TNFRSF1A: variants seen among roughly 807,000 people sequenced by gnomAD.
TNFRSF1A encodes TNF receptor superfamily member 1A, also known as tumor necrosis factor receptor superfamily member 1A.
TNFRSF1A carries 9 observed loss-of-function variants against 41.6 expected under a neutral mutation model. The observed-to-expected ratio is 0.22, with a 90% confidence interval of 0.13 to 0.38. TNFRSF1A has a LOEUF of 0.38. TNFRSF1A is among the 10% of genes least tolerant of loss of function. The pLI, the probability that TNFRSF1A is intolerant of heterozygous loss-of-function variation, is 1.00. For synonymous variants in TNFRSF1A, 254 were observed against 248.6 expected, an observed-to-expected ratio of 1.02 and a Z score of -0.21; for missense variants, 463 against 591.5, an observed-to-expected ratio of 0.78 and a Z score of 2.25.
At position 6,337,306 on chromosome 12, in the gene TNFRSF1A, G is replaced by C. The variant is rs1032791925; in HGVS notation, c.40-3062C>G. 5.9e-5 allele frequency among the ~76,000 whole-genome samples: 9 copies of C among 152,212 alleles called. No homozygotes were observed. The highest frequency in any genetic ancestry group is 1.5e-5 in the Non-Finnish European group (1 of 68,030). On this transcript the variant is annotated intron_variant, in intron 1 of 9. Transcript: ENST00000162749. This position sits in a 1 kb window ranked among gnomAD's most constrained non-coding sequence, Gnocchi z 4.6. ...CTGGAGCAGAAGGGCAGGAAGCTGG[G>C]GTGCCTGTGGAGAGACAGTTGAGGG... is the stretch of plus-strand genomic sequence containing the variant.
chr12:6,329,151 C>CGCAG lies in TNFRSF1A; in HGVS notation c.*157_*160dup. 1.5e-6 allele frequency: 1 copy of CGCAG among 656,848 alleles called. No homozygotes were observed. Among genetic ancestry groups the CGCAG allele is most frequent in the Non-Finnish European group, 2.3e-6 (1 of 436,312 alleles). The allele number at this position is 656,848 out of a possible 1,614,324, so 40.7% of individuals were successfully genotyped here. On this transcript the variant is annotated 3_prime_UTR_variant, in exon 10 of 10. Coordinates refer to ENST00000162749, the MANE Select transcript of TNFRSF1A (RefSeq NM_001065.4). ...CGCACAGCGCTGACTGTCGGCGGCG[C>CGCAG]GCAGGCAGCTGAGAAAAGCTATGTA...
chr12:6,334,272 C>A lies in TNFRSF1A; in HGVS notation c.40-28G>T. The A allele has an allele frequency of 1.2e-6, 2 of 1,603,776 alleles. No homozygotes were observed. The highest frequency in any genetic ancestry group is 1.7e-6 in the Non-Finnish European group (2 of 1,172,382). Reference sequence around the variant, plus strand: ...GGGGAAGAATCAGATAGAGGAGACACCATCAAGAGAGGGAGGGATGGGAAG... The same window carrying A: ...GGGGAAGAATCAGATAGAGGAGACAACATCAAGAGAGGGAGGGATGGGAAG... On this transcript the variant is annotated intron_variant, in intron 1 of 9. Transcript: ENST00000162749. This position sits in a 1 kb window ranked among gnomAD's most constrained non-coding sequence, Gnocchi z 5.1.
intron 1 of TNFRSF1A, among the ~76,000 whole-genome samples, chr12:6,340,580 G>C (rs988872939): frequency 6.6e-6 from 1 of 152,158 alleles, no homozygotes; most frequent in African/African-American, 2.4e-5. Flanking sequence ...CTGGGGACCT[G>C]GGGCCGGGAC....
chr12:6,329,326 T>C lies in TNFRSF1A; in HGVS notation c.1354A>G (p.Ser452Gly), dbSNP rs200346150. The part of the protein sequence containing the change: ...CGPAALPPAP[S>G]LLR ...GGGGCGCAGCCTCATCTGAGAAGAC[T>C]GGGCGCGGGCGGGAGGGCGGCGGGG... Residue 452 changes from serine (S) to glycine (G), a missense_variant, in exon 10 of 10, where the codon AGT (serine) becomes GGT (glycine). Ser to Gly is a moderately conservative substitution (Grantham distance 56). Transcript: ENST00000162749. 5 of 1,473,072 alleles carry C rather than the reference T, an allele frequency of 3.4e-6. No individual in the cohort carries two copies. The highest frequency in any genetic ancestry group is 1.4e-5 in the South Asian group (1 of 71,314). 91.3% of individuals were successfully genotyped at this position (1,473,072 alleles called of 1,614,324 possible). A position where few individuals can be genotyped will look rare whatever the true frequency, so the allele number is the denominator to read the frequency against.
chr12:6,329,287 T>TA lies in TNFRSF1A; in HGVS notation c.*24dup, dbSNP rs1442377765. 1 of 1,453,766 alleles carries TA rather than the reference T, an allele frequency of 6.9e-7. No homozygotes were observed. Among genetic ancestry groups the TA allele is most frequent in the African/African-American group, 1.5e-5 (1 of 67,420 alleles). The allele number at this position is 1,453,766 out of a possible 1,614,324, so 90.1% of individuals were successfully genotyped here. A position where few individuals can be genotyped will look rare whatever the true frequency, so the allele number is the denominator to read the frequency against. On this transcript the variant is annotated 3_prime_UTR_variant, in exon 10 of 10. Transcript: ENST00000162749. ...GAAGGCGATCTCGCAGGACGGTCCTTAGAGCTGCCCGCAGGGGCGCAGCCT... is the reference window on the plus strand; with the variant it reads ...GAAGGCGATCTCGCAGGACGGTCCTTAAGAGCTGCCCGCAGGGGCGCAGCCT...
rs779458638 is a variant in TNFRSF1A at position 6,330,902 on chromosome 12, C to T, written c.576G>A (p.Thr192=). 10 of 1,613,510 alleles carry T rather than the reference C, an allele frequency of 6.2e-6. No individual in the cohort carries two copies. The highest frequency in any genetic ancestry group is 4.4e-5 in the South Asian group (4 of 91,052). ...CSNCKKSLEC[T]KLCLPQIENV... is the part of the protein sequence containing the mutation. ...TCTCAATCTGGGGTAGGCACAACTT[C>T]GTGCACTCCAGGCTTTTCTTACAGC... The change falls in exon 6 of 10, where the codon ACG becomes ACA. Residue 192 remains threonine, a synonymous_variant. Coordinates refer to ENST00000162749, the MANE Select transcript of TNFRSF1A (RefSeq NM_001065.4).
In TNFRSF1A at chr12:6,329,404, G is replaced by A. The variant is rs56279759; in HGVS notation, c.1276C>T (p.Arg426Cys). ...AGGCAGCCCAGCAGGTCCATGTCGC[G>A]GAGCACGCGTCCCAGCAGCTCCAGC... ...ATLELLGRVL[R>C]DMDLLGCLED... Residue 426 changes from arginine to cysteine, a missense_variant, in exon 10 of 10, where the codon CGC becomes TGC. Coordinates refer to ENST00000162749, the MANE Select transcript of TNFRSF1A (RefSeq NM_001065.4). The A allele has an allele frequency of 1.3e-6, 2 of 1,565,338 alleles. No individual in the cohort carries two copies. The highest frequency in any genetic ancestry group is 1.7e-6 in the Non-Finnish European group (2 of 1,162,112).
At position 6,329,865 on chromosome 12, in the gene TNFRSF1A, T is replaced by C. The variant is rs1251971194; in HGVS notation, c.970A>G (p.Ile324Val). 6.3e-7 allele frequency: 1 copy of C among 1,597,598 alleles called. No homozygotes were observed. Among genetic ancestry groups the C allele is most frequent in the Non-Finnish European group, 8.5e-7 (1 of 1,172,170 alleles). ...VAPPYQGADP[I>V]LATALASDPI... ...TCGGAGGCGAGGGCTGTCGCAAGGA[T>C]GGGGTCAGCCCCCTGATAGGGTGGT... Residue 324 changes from isoleucine to valine, a missense_variant, in exon 9 of 10, where the codon ATC (isoleucine) becomes GTC (valine). By Grantham distance (29) the Ile-to-Val change is conservative. Coordinates refer to ENST00000162749, the MANE Select transcript of TNFRSF1A (RefSeq NM_001065.4).
At position 6,333,257 on chromosome 12, in the gene TNFRSF1A, G is replaced by C. The variant is rs1948073981; in HGVS notation, c.472+110C>G. On this transcript the variant is annotated intron_variant, in intron 4 of 9. Transcript: ENST00000162749. The surrounding 1 kb of genome is among the most constrained non-coding windows in gnomAD (Gnocchi z 6.3). ...GGGGGCGGCCAGAGAGGAGTTGGTT[G>C]TCAGACCCACAGAATACAGGAGGGG... The C allele has an allele frequency of 6.4e-7, 1 of 1,551,562 alleles. No individual in the cohort carries two copies. The highest frequency in any genetic ancestry group is 1.8e-5 in the Admixed American group (1 of 54,478).
intron 7 of TNFRSF1A, 39 bp downstream of exon 7, chr12:6,330,559 C>A: frequency 6.7e-7 from 1 of 1,494,790 alleles, no homozygotes; most frequent in South Asian, 1.1e-5. Context: ...CCTCCCTCAC[C>A]CCCACCAGCT....
Position 6,329,554 on chromosome 12 carries a change from G to T in TNFRSF1A, c.1126C>A (p.Arg376=). 1 of 1,592,018 alleles carries T rather than the reference G, an allele frequency of 6.3e-7. No homozygotes were observed. Among genetic ancestry groups the T allele is most frequent in the Non-Finnish European group, 8.5e-7 (1 of 1,175,924 alleles). ...VPPLRWKEFV[R]RLGLSDHEID... is the part of the protein sequence containing the mutation. ...TCGTGGTCGCTCAGCCCTAGGCGCCGCACGAATTCCTTCCAGCGCAACGGG... is the reference window on the plus strand; with the variant it reads ...TCGTGGTCGCTCAGCCCTAGGCGCCTCACGAATTCCTTCCAGCGCAACGGG... Residue 376 remains arginine (R), a synonymous_variant, in exon 10 of 10, where the codon CGG becomes AGG. Transcript: ENST00000162749.
intron 8 of TNFRSF1A, 23 bp from the exon 9 acceptor site, chr12:6,330,089 G>C (rs10849443): frequency 6.2e-7 from 1 of 1,612,380 alleles, no homozygotes; most frequent in East Asian, 2.2e-5. Context: ...AGGTGGCGCA[G>C]CATTAGTGCG....
At chr12:6,336,526 A>G (rs1186678309) in intron 1 of TNFRSF1A, among the ~76,000 whole-genome samples, 1 of 147,010 alleles carries the variant, frequency 6.8e-6, no homozygotes, top group Admixed American at 6.8e-5. Context: ...CTCAACCCCC[A>G]TCCATCCCCT....
At chr12:6,335,438 C>T (rs1948108248) in intron 1 of TNFRSF1A, among the ~76,000 whole-genome samples, 1 of 152,120 alleles carries the variant, frequency 6.6e-6, no homozygotes, top group South Asian at 2.1e-4. Flanking sequence ...CCCTGCACAC[C>T]ATGGCATTCT....
Position 6,333,723 on chromosome 12 carries a change from C to A in TNFRSF1A, c.322+14G>T. 6.4e-7 allele frequency: 1 copy of A among 1,566,952 alleles called. No individual in the cohort carries two copies. On this transcript the variant is annotated intron_variant, in intron 3 of 9. Transcript: ENST00000162749. The surrounding 1 kb of genome is among the most constrained non-coding windows in gnomAD (Gnocchi z 6.3). ...CTCAAGACCCGCCTGACTCTCCTGC[C>A]TGTGCACACTCACCCTTTCGGCATT...
intron 1 of TNFRSF1A, among the ~76,000 whole-genome samples, chr12:6,340,297 C>T (rs1948178241): frequency 1.3e-5 from 2 of 152,178 alleles, no homozygotes; most frequent in African/African-American, 2.4e-5. Flanking sequence ...TTCAAAACAA[C>T]AGTATGAGGT....
intron 5 of TNFRSF1A, chr12:6,331,274 T>C (rs1159956063): frequency 5.1e-6 from 2 of 392,976 alleles, no homozygotes; most frequent in Admixed American, 3.7e-5. Context: ...CCTCTCAGGA[T>C]TGAGGATTAA....
In TNFRSF1A at chr12:6,333,042, T is replaced by G; in HGVS notation, c.551+27A>C. The G allele has an allele frequency of 6.2e-7, 1 of 1,607,304 alleles. No homozygotes were observed. The highest frequency in any genetic ancestry group is 2.2e-5 in the East Asian group (1 of 44,846). ...CGTCCCAACCCATGCCACCATCCAGTGCCCAGCAGCTCTCAGAGATACTCA... is the reference window on the plus strand; with the variant it reads ...CGTCCCAACCCATGCCACCATCCAGGGCCCAGCAGCTCTCAGAGATACTCA... On this transcript the variant is annotated intron_variant, in intron 5 of 9. Coordinates refer to ENST00000162749, the MANE Select transcript of TNFRSF1A (RefSeq NM_001065.4). This position sits in a 1 kb window ranked among gnomAD's most constrained non-coding sequence, Gnocchi z 6.3.
rs978640583 is a variant in TNFRSF1A, at chr12:6,334,065, C to T, written c.193+26G>A. 4 of 1,614,022 alleles carry T rather than the reference C, an allele frequency of 2.5e-6. No homozygotes were observed. The African/African-American group carries it at 5.3e-5, about 22-fold the overall frequency. On this transcript the variant is annotated intron_variant, in intron 2 of 9. Coordinates refer to ENST00000162749, the MANE Select transcript of TNFRSF1A (RefSeq NM_001065.4). The surrounding 1 kb of genome is among the most constrained non-coding windows in gnomAD (Gnocchi z 5.1). ...AGAAGCAGCACCCCAGACCTGAGGG[C>T]ATTCACCGTTTCCACTTGCCCCTAC...
Sources: allele counts gnomAD v4.1 joint callset (sites outside exome capture counted in the v4.1 genomes callset), GRCh38; gene constraint gnomAD v4.1.1; non-coding constraint Gnocchi (gnomAD v3.1); transcripts MANE v1.5; gene names NCBI Gene and HGNC (gene_info 2026-07-23, HGNC 2026-07-21).